Variants in ANO2 observed in about 807,000 individuals in gnomAD.
The protein encoded by ANO2 is anoctamin-2.
Under a neutral mutation model 124.2 loss-of-function variants are expected in ANO2, and 101 were observed. The ratio of observed to expected loss-of-function variants is 0.81; its 90% CI spans 0.69 to 0.96. The LOEUF is 0.96. ANO2 is among the 40% of genes least tolerant of loss of function. The probability of loss-of-function intolerance (pLI) is 0.00; values close to 1 mark genes in which losing one functional copy is unlikely to be tolerated. For synonymous variants in ANO2, 486 were observed against 482.5 expected, an observed-to-expected ratio of 1.01 and a Z score of -0.09; for missense variants, 1,293 against 1,274.5, an observed-to-expected ratio of 1.01 and a Z score of -0.22.
intron 1 of ANO2, among the ~76,000 whole-genome samples, chr12:5,941,049 G>A (rs1186361073): frequency 6.6e-6 from 1 of 152,150 alleles, no homozygotes. Flanking sequence ...GTGTAGAATA[G>A]GCATATCCAT....
intron 3 of ANO2, among the ~76,000 whole-genome samples, chr12:5,874,131 G>A (rs756811090): frequency 6.6e-6 from 1 of 152,194 alleles, no homozygotes; most frequent in Non-Finnish European, 1.5e-5. Flanking sequence ...AATCATAAAA[G>A]AGGCTAGGAA....
chr12:5,821,424 G>C (rs1303877736), intron 7 of ANO2, among the ~76,000 whole-genome samples: 1 of 152,192 alleles, frequency 6.6e-6, no homozygotes, highest in East Asian at 1.9e-4. Flanking sequence ...GATATGAAAG[G>C]CTGCCAGTTT....
chr12:5,580,375 T>C (rs1366002691), intron 20 of ANO2, among the ~76,000 whole-genome samples: 1 of 152,230 alleles, frequency 6.6e-6, no homozygotes, highest in Non-Finnish European at 1.5e-5. Context: ...GACTGCAATG[T>C]ATACTGTATA....
intron 14 of ANO2, among the ~76,000 whole-genome samples, chr12:5,669,602 T>C (rs983047563): frequency 6.6e-6 from 1 of 152,204 alleles, no homozygotes; most frequent in Non-Finnish European, 1.5e-5. Context: ...GAGGGCATCC[T>C]TGCCTTGTGT....
intron 4 of ANO2, among the ~76,000 whole-genome samples, chr12:5,838,646 T>C (rs1284897022): frequency 6.6e-6 from 1 of 152,196 alleles, no homozygotes. Context: ...GCAAGGCTCA[T>C]GTGCCAACCC....
intron 3 of ANO2, among the ~76,000 whole-genome samples, chr12:5,877,324 G>C (rs1251003590): frequency 6.6e-6 from 1 of 152,188 alleles, no homozygotes; most frequent in Admixed American, 6.5e-5. Flanking sequence ...GCCATGTGAC[G>C]ATTCTCCCTC....
At chr12:5,771,721 A>G (rs1362863692) in intron 10 of ANO2, among the ~76,000 whole-genome samples, 3 of 152,196 alleles carry the variant, frequency 2.0e-5, no homozygotes, top group Non-Finnish European at 4.4e-5. Context: ...CAGAGGTTGC[A>G]GTGAGCTGAG....
intron 19 of ANO2, 96 bp from the exon 20 acceptor site, chr12:5,599,725 T>A: frequency 7.5e-7 from 1 of 1,335,696 alleles, no homozygotes; most frequent in Non-Finnish European, 1.0e-6. Flanking sequence ...GTTTTGACAC[T>A]AAAGCCATCT....
chr12:5,906,877 G>A (rs1940739307), intron 3 of ANO2, among the ~76,000 whole-genome samples: 1 of 152,112 alleles, frequency 6.6e-6, no homozygotes, highest in Admixed American at 6.5e-5. Context: ...TGTTCTAAAA[G>A]TCTTCAATCC....
upstream of ANO2, chr12:5,946,015 C>A: frequency 2.9e-6 from 3 of 1,051,278 alleles, no homozygotes; most frequent in Middle Eastern, 2.1e-4. This position sits in a 1 kb window ranked among gnomAD's most constrained non-coding sequence, Gnocchi z 4.1. Context: ...GAGGGAAGAC[C>A]TCCAAAGGGC....
chr12:5,932,972 T>C (rs932372718), intron 1 of ANO2, among the ~76,000 whole-genome samples: 1 of 152,172 alleles, frequency 6.6e-6, no homozygotes, highest in Admixed American at 6.5e-5. Context: ...ATTTGTATGA[T>C]CCATTGCAAT....
rs144713108 is a variant in ANO2, at chr12:5,707,624, T to C, written c.1545+24896A>G. On this transcript the variant is annotated intron_variant, in intron 14 of 24. Coordinates refer to ENST00000682330, the MANE Select transcript of ANO2 (RefSeq NM_001364791.2). Reference sequence around the variant, plus strand: ...TCCAGATCTAATGTGTTCCCAGCTTTCCCCACCCCCAGAGGATACCCAATC... The same window carrying C: ...TCCAGATCTAATGTGTTCCCAGCTTCCCCCACCCCCAGAGGATACCCAATC... 4.3e-3 allele frequency among the ~76,000 whole-genome samples: 650 copies of C among 152,246 alleles called. 4 individuals are homozygous for C. Among genetic ancestry groups the C allele is most frequent in the African/African-American group, 0.014 (577 of 41,538 alleles).
intron 1 of ANO2, among the ~76,000 whole-genome samples, chr12:5,935,092 G>A (rs1942591002): frequency 6.6e-6 from 1 of 152,214 alleles, no homozygotes; most frequent in Admixed American, 6.5e-5. Context: ...TTTATAGTCT[G>A]TAGGAAAGTG....
chr12:5,731,590 CCT>C (rs77047097), intron 14 of ANO2, among the ~76,000 whole-genome samples: 5 of 149,986 alleles, frequency 3.3e-5, no homozygotes, highest in Admixed American at 1.3e-4. Context: ...CATAAACTCT[CCT>C]CTCTCTCTCT....
At chr12:5,767,112 C>G (rs780900377) in intron 10 of ANO2, among the ~76,000 whole-genome samples, 3 of 152,234 alleles carry the variant, frequency 2.0e-5, no homozygotes, top group Non-Finnish European at 2.9e-5. Flanking sequence ...CTGCTCTCAA[C>G]TCTGCCAAGC....
chr12:5,702,559 C>T (rs1193120701), intron 14 of ANO2, among the ~76,000 whole-genome samples: 1 of 111,488 alleles, frequency 9.0e-6, no homozygotes, highest in Non-Finnish European at 1.9e-5. Flanking sequence ...TTCTTACTGG[C>T]AACCCAAAAA....
chr12:5,698,408 A>G lies in ANO2; in HGVS notation c.1545+34112T>C, dbSNP rs192443598. Among the ~76,000 whole-genome samples, 170 of 152,356 alleles carry G rather than the reference A, an allele frequency of 1.1e-3. 1 individual carries two copies. The highest frequency in any genetic ancestry group is 2.0e-3 in the Non-Finnish European group (136 of 68,036). ...GTTCTGACTGTTAGAAGGAAAACTA[A>G]CAAACAGAAAGGACATCCACACCAA... On this transcript the variant is annotated intron_variant, in intron 14 of 24. Transcript: ENST00000682330.
intron 16 of ANO2, among the ~76,000 whole-genome samples, chr12:5,626,228 T>G (rs1432759612): frequency 6.6e-6 from 1 of 152,052 alleles, no homozygotes; most frequent in Non-Finnish European, 1.5e-5. Context: ...TTTTGAAGAT[T>G]GAAGGTGGCA....
At chr12:5,663,119 CA>C (rs1224899067) in intron 14 of ANO2, among the ~76,000 whole-genome samples, 18 of 152,234 alleles carry the variant, frequency 1.2e-4, no homozygotes, top group African/African-American at 4.3e-4. Context: ...CCATGCCCCA[CA>C]CATGCCTGCC....
Sources: allele counts gnomAD v4.1 joint callset (sites outside exome capture counted in the v4.1 genomes callset), GRCh38; gene constraint gnomAD v4.1.1; non-coding constraint Gnocchi (gnomAD v3.1); transcripts MANE v1.5; gene names NCBI Gene and HGNC (gene_info 2026-07-23, HGNC 2026-07-21).